The following PDLIM1 variants were observed in gnomAD, a reference collection of about 807,000 sequenced individuals.
The protein encoded by PDLIM1 is PDZ and LIM domain protein 1.
Under a neutral mutation model 35.2 loss-of-function variants are expected in PDLIM1, and 25 were observed. That is an observed-to-expected ratio of 0.71 (90% confidence interval 0.52 to 0.99). The LOEUF is 0.99. Among genes scored for constraint, PDLIM1 ranks in the 50% least tolerant of loss-of-function variants. PDLIM1 has a pLI of 0.00. For missense variants in PDLIM1, 363 were observed against 415.3 expected (o/e 0.87, Z 1.09); for synonymous variants, 152 against 154.0 (o/e 0.99, Z 0.10).
At chr10:95,264,097 G>A in intron 3 of PDLIM1, 34 bp from the exon 4 acceptor site, 6 of 1,574,000 alleles carry the variant, frequency 3.8e-6, no homozygotes, top group Non-Finnish European at 5.2e-6. Flanking sequence ...AATCAAGGGG[G>A]GCATCCAATG....
intron 4 of PDLIM1, among the ~76,000 whole-genome samples, chr10:95,248,543 T>C (rs1337159572): frequency 2.0e-5 from 3 of 152,250 alleles, no homozygotes; most frequent in Non-Finnish European, 4.4e-5. Flanking sequence ...CCAGAGTGCC[T>C]GGCCTAGAAT....
At chr10:95,240,288 A>C (rs1027876496) in intron 5 of PDLIM1, among the ~76,000 whole-genome samples, 13 of 152,264 alleles carry the variant, frequency 8.5e-5, no homozygotes, top group African/African-American at 3.1e-4. Context: ...TGGTACGTAT[A>C]CACCAGGGAA....
chr10:95,251,388 C>A (rs2035266343), intron 4 of PDLIM1, among the ~76,000 whole-genome samples: 1 of 152,108 alleles, frequency 6.6e-6, no homozygotes, highest in Non-Finnish European at 1.5e-5. Flanking sequence ...GCCTAGGCAA[C>A]ACGGTGAAAC....
chr10:95,262,475 C>T (rs1486338430), intron 4 of PDLIM1, among the ~76,000 whole-genome samples: 1 of 152,152 alleles, frequency 6.6e-6, no homozygotes, highest in Admixed American at 6.5e-5. Context: ...AAAAAAGAGG[C>T]TTTCCAACTT....
At chr10:95,253,201 A>C (rs1476650329) in intron 4 of PDLIM1, among the ~76,000 whole-genome samples, 1 of 152,148 alleles carries the variant, frequency 6.6e-6, no homozygotes, top group South Asian at 2.1e-4. Context: ...ATCCATAAAG[A>C]AAAGAAGGAA....
intron 1 of PDLIM1, among the ~76,000 whole-genome samples, chr10:95,286,841 T>C (rs1458487758): frequency 4.6e-5 from 7 of 152,208 alleles, no homozygotes; most frequent in East Asian, 1.9e-4. Flanking sequence ...AGTTAAGGCA[T>C]GGCCTAAGAA....
At chr10:95,245,471 A>G (rs2035211173) in intron 5 of PDLIM1, among the ~76,000 whole-genome samples, 2 of 152,174 alleles carry the variant, frequency 1.3e-5, no homozygotes, top group East Asian at 3.8e-4. Context: ...CTGTGAGCTG[A>G]GATGAGCTCT....
chr10:95,273,383 T>A (rs2035481305), intron 1 of PDLIM1: 1 of 152,190 alleles, frequency 6.6e-6, no homozygotes, highest in Non-Finnish European at 1.5e-5. Flanking sequence ...TAAACCTCAG[T>A]ATCTGATGCA....
intron 4 of PDLIM1, among the ~76,000 whole-genome samples, chr10:95,259,377 G>A (rs748449729): frequency 2.0e-4 from 31 of 152,200 alleles, no homozygotes; most frequent in Non-Finnish European, 3.8e-4. Context: ...GGAGGTAGGC[G>A]GACCCAGAAA....
rs1215911024 is a variant in PDLIM1 at position 95,247,207 on chromosome 10, C to A, written c.685+8G>T. 1 of 1,606,198 alleles carries A rather than the reference C, an allele frequency of 6.2e-7. No homozygotes were observed. Among genetic ancestry groups the A allele is most frequent in the Non-Finnish European group, 8.5e-7 (1 of 1,174,788 alleles). The stretch of plus-strand genomic sequence containing the variant: ...CAAGAGCCTCTGACTGCAGATGGAG[C>A]TGATTACCTTTTTCTTCAGACTCCA... On this transcript the variant is annotated splice_region_variant and intron_variant, in intron 5 of 6. Coordinates refer to ENST00000329399, the MANE Select transcript of PDLIM1 (RefSeq NM_020992.4).
chr10:95,238,039 G>A lies in PDLIM1; in HGVS notation c.876C>T (p.Asn292=), dbSNP rs755653017. 24 of 1,614,028 alleles carry A rather than the reference G, an allele frequency of 1.5e-5. No individual in the cohort carries two copies. The highest frequency in any genetic ancestry group is 1.9e-5 in the Non-Finnish European group (23 of 1,180,018). ...ECYVCTDCGT[N]LKQKGHFFVE... The stretch of plus-strand genomic sequence containing the variant: ...CAAAGAAATGGCCCTTCTGTTTCAG[G>A]TTGGTGCCACAGTCAGTGCACACAT... The change falls in exon 7 of 7, where the codon AAC becomes AAT. Residue 292 remains asparagine (N), a synonymous_variant. Transcript: ENST00000329399.
intron 4 of PDLIM1, among the ~76,000 whole-genome samples, chr10:95,247,998 C>A (rs2035237554): frequency 6.6e-6 from 1 of 152,236 alleles, no homozygotes; most frequent in South Asian, 2.1e-4. Context: ...GCAAGCCAGG[C>A]CTTGTCTTCC....
At chr10:95,241,955 G>T (rs1324624218) in intron 5 of PDLIM1, among the ~76,000 whole-genome samples, 1 of 152,200 alleles carries the variant, frequency 6.6e-6, no homozygotes, top group Non-Finnish European at 1.5e-5. Flanking sequence ...GGAACAACAA[G>T]AGGGTATATG....
rs2035646237 is a variant in PDLIM1 at position 95,290,735 on chromosome 10, T to A, written c.96+85A>T. 2 of 929,100 alleles carry A rather than the reference T, an allele frequency of 2.2e-6. No homozygotes were observed. Among genetic ancestry groups the A allele is most frequent in the Admixed American group, 6.0e-5 (2 of 33,318 alleles). The allele number at this position is 929,100 out of a possible 1,614,324, so 57.6% of individuals were successfully genotyped here. On this transcript the variant is annotated intron_variant, in intron 1 of 6. Coordinates refer to ENST00000329399, the MANE Select transcript of PDLIM1 (RefSeq NM_020992.4). This position sits in a 1 kb window ranked among gnomAD's most constrained non-coding sequence, Gnocchi z 4.7. ...GCGCCCGGCTGCGGTTCCGACTCCG[T>A]CCCCGACCGCGCCCGCGGGGCCCCA...
At chr10:95,284,349 A>C (rs569949028) in intron 1 of PDLIM1, among the ~76,000 whole-genome samples, 8 of 151,852 alleles carry the variant, frequency 5.3e-5, no homozygotes, top group Admixed American at 1.3e-4. Flanking sequence ...TATTTAATCT[A>C]TCTGTATGCA....
At chr10:95,254,351 A>G (rs538772063) in intron 4 of PDLIM1, among the ~76,000 whole-genome samples, 1 of 152,236 alleles carries the variant, frequency 6.6e-6, no homozygotes, top group Non-Finnish European at 1.5e-5. Flanking sequence ...TATTATTAAT[A>G]ATATCTGATA....
At chr10:95,260,529 G>A (rs2035352104) in intron 4 of PDLIM1, among the ~76,000 whole-genome samples, 1 of 152,136 alleles carries the variant, frequency 6.6e-6, no homozygotes, top group Non-Finnish European at 1.5e-5. Context: ...GGCCACTGAG[G>A]ACCTCCCCCT....
At chr10:95,267,247 A>G (rs2035424090) in intron 3 of PDLIM1, among the ~76,000 whole-genome samples, 1 of 152,214 alleles carries the variant, frequency 6.6e-6, no homozygotes. Context: ...ACAAATGAAA[A>G]CTATAACTGA....
intron 5 of PDLIM1, among the ~76,000 whole-genome samples, chr10:95,240,393 A>G (rs572439638): frequency 6.6e-6 from 1 of 152,372 alleles, no homozygotes; most frequent in East Asian, 1.9e-4. Context: ...ATGCAGGAAC[A>G]CAAAACCAAA....
Sources: allele counts gnomAD v4.1 joint callset (sites outside exome capture counted in the v4.1 genomes callset), GRCh38; gene constraint gnomAD v4.1.1; non-coding constraint Gnocchi (gnomAD v3.1); transcripts MANE v1.5; gene names NCBI Gene and HGNC (gene_info 2026-07-23, HGNC 2026-07-21).